DCC: variants seen among roughly 807,000 people sequenced by gnomAD.
DCC encodes DCC netrin 1 receptor.
Under a neutral mutation model 172.5 loss-of-function variants are expected in DCC, and 58 were observed. The observed-to-expected ratio is 0.34, with a 90% CI of 0.27 to 0.42. The LOEUF (loss-of-function observed/expected upper bound fraction) is 0.42, where lower values mean the gene tolerates loss of function less well. DCC is among the 10% of genes least tolerant of loss of function. The pLI is 1.00. For synonymous variants in DCC, 709 were observed against 644.5 expected, an observed-to-expected ratio of 1.10 and a Z score of -1.52; for missense variants, 1,740 against 1,791.0, an observed-to-expected ratio of 0.97 and a Z score of 0.51.
At chr18:52,838,239 G>A (rs1255571626) in intron 2 of DCC, among the ~76,000 whole-genome samples, 1 of 151,842 alleles carries the variant, frequency 6.6e-6, no homozygotes, top group East Asian at 1.9e-4. Flanking sequence ...CTTTAGAGGG[G>A]GTATTATACT....
chr18:52,808,379 TAA>T (rs1193941529), intron 2 of DCC, among the ~76,000 whole-genome samples: 1 of 147,510 alleles, frequency 6.8e-6, no homozygotes, highest in Non-Finnish European at 1.5e-5. Flanking sequence ...TAATTCTGAC[TAA>T]GTGACTCAAT....
chr18:53,258,987 C>G (rs554035847), intron 12 of DCC, among the ~76,000 whole-genome samples: 1 of 152,080 alleles, frequency 6.6e-6, no homozygotes, highest in African/African-American at 2.4e-5. Flanking sequence ...CTCTTTTGAT[C>G]TTTGTTGGTT....
intron 1 of DCC, among the ~76,000 whole-genome samples, chr18:52,676,467 T>C (rs954594472): frequency 2.0e-5 from 3 of 152,212 alleles, no homozygotes; most frequent in Non-Finnish European, 4.4e-5. Context: ...ATGATGTAAA[T>C]GACTTGTACC....
chr18:53,496,122 C>T (rs1376977801), intron 26 of DCC, among the ~76,000 whole-genome samples: 1 of 152,174 alleles, frequency 6.6e-6, no homozygotes. Context: ...GACATACTGC[C>T]TCCTCAAGTG....
In DCC at chr18:52,917,967, G is replaced by T. The variant is rs187365151; in HGVS notation, c.698-5740G>T. Among the ~76,000 whole-genome samples the T allele has an allele frequency of 6.1e-3, 863 of 142,584 alleles. 7 individuals carry two copies. Among genetic ancestry groups the T allele is most frequent in the Middle Eastern group, 0.011 (3 of 276 alleles). 93.5% of individuals were successfully genotyped at this position (142,584 alleles called of 152,430 possible). ...TTTGTAGATTTTAATACCAAAATTT[G>T]ACATTAGAAAAAAATCCATTTTTTT... is the stretch of plus-strand genomic sequence containing the variant. On this transcript the variant is annotated intron_variant, in intron 3 of 28. Coordinates refer to ENST00000442544, the MANE Select transcript of DCC (RefSeq NM_005215.4).
At chr18:52,935,195 C>T (rs1026106563) in intron 5 of DCC, among the ~76,000 whole-genome samples, 5 of 57,052 alleles carry the variant, frequency 8.8e-5, no homozygotes, top group Non-Finnish European at 1.6e-4. Flanking sequence ...TTTACAATAG[C>T]AGTGGATCAA....
intron 2 of DCC, among the ~76,000 whole-genome samples, chr18:52,753,223 T>A (rs866883918): frequency 2.6e-5 from 4 of 152,190 alleles, no homozygotes; most frequent in African/African-American, 9.7e-5. Flanking sequence ...AATGGCTATC[T>A]AATTTACATT....
chr18:52,710,699 T>C (rs977693956), intron 1 of DCC, among the ~76,000 whole-genome samples: 1 of 152,178 alleles, frequency 6.6e-6, no homozygotes, highest in Non-Finnish European at 1.5e-5. Context: ...ACAAAAAAAG[T>C]GGTTAAAAGG....
intron 18 of DCC, among the ~76,000 whole-genome samples, chr18:53,398,095 A>G (rs982480128): frequency 6.6e-5 from 10 of 152,208 alleles, no homozygotes; most frequent in African/African-American, 2.4e-4. Flanking sequence ...CTTGACATTT[A>G]TAGTTCACAG....
chr18:53,437,342 A>T (rs1912005481), intron 22 of DCC, among the ~76,000 whole-genome samples: 1 of 152,104 alleles, frequency 6.6e-6, no homozygotes, highest in African/African-American at 2.4e-5. Context: ...GCACTTTGGG[A>T]GGCCGAGGCG....
At chr18:52,351,641 C>G (rs1192922498) in intron 1 of DCC, among the ~76,000 whole-genome samples, 1 of 152,132 alleles carries the variant, frequency 6.6e-6, no homozygotes, top group Non-Finnish European at 1.5e-5. Flanking sequence ...AAAACTTCAC[C>G]TTTTCTATAA....
intron 5 of DCC, among the ~76,000 whole-genome samples, chr18:53,000,551 A>G (rs1366299498): frequency 6.9e-6 from 1 of 144,146 alleles, no homozygotes; most frequent in Non-Finnish European, 1.5e-5. Flanking sequence ...TTTAATGCTG[A>G]GGGGTCACCA....
intron 9 of DCC, among the ~76,000 whole-genome samples, chr18:53,185,681 C>T (rs929445719): frequency 2.6e-5 from 4 of 152,102 alleles, no homozygotes; most frequent in African/African-American, 4.8e-5. Flanking sequence ...CAGACAGTGG[C>T]AGTCTAGGCA....
At chr18:52,685,995 G>C (rs183378169) in intron 1 of DCC, among the ~76,000 whole-genome samples, 420 of 152,186 alleles carry the variant, frequency 2.8e-3, no homozygotes, top group Non-Finnish European at 2.5e-3. Context: ...CAATATTGAA[G>C]ACAATTCTGC....
rs140007932 is a variant in DCC at position 53,101,803 on chromosome 18, C to CTGTGTG, written c.1261+35655_1261+35660dup. Among the ~76,000 whole-genome samples, 426 of 141,718 alleles carry CTGTGTG rather than the reference C, an allele frequency of 3.0e-3. 1 individual carries two copies. The highest frequency in any genetic ancestry group is 0.014 in the South Asian group (62 of 4,432). 93.0% of individuals were successfully genotyped at this position (141,718 alleles called of 152,430 possible). On this transcript the variant is annotated intron_variant, in intron 7 of 28. Coordinates refer to ENST00000442544, the MANE Select transcript of DCC (RefSeq NM_005215.4). ...GCAGTGCTTCCTGACTACCACTGGG[C>CTGTGTG]TGTGTGTGTGTGTGTGTGTGTGTAT...
intron 5 of DCC, among the ~76,000 whole-genome samples, chr18:52,988,311 C>T (rs1246720378): frequency 6.6e-6 from 1 of 151,788 alleles, no homozygotes; most frequent in Non-Finnish European, 1.5e-5. Context: ...AATTATTAAA[C>T]AGAGATAAAA....
At chr18:53,064,405 T>G (rs751362588) in intron 6 of DCC, among the ~76,000 whole-genome samples, 2 of 152,148 alleles carry the variant, frequency 1.3e-5, no homozygotes, top group Non-Finnish European at 1.5e-5. Context: ...TAGGCCTACT[T>G]ATGTTTGAGA....
intron 1 of DCC, among the ~76,000 whole-genome samples, chr18:52,514,324 T>A (rs552359959): frequency 1.3e-5 from 2 of 152,310 alleles, no homozygotes; most frequent in African/African-American, 2.4e-5. Flanking sequence ...ATGGTTTTTT[T>A]TATTGATATT....
chr18:53,531,850 A>T lies in DCC; in HGVS notation c.*1197A>T, dbSNP rs1258319109. ...ACCTGTGTCAGAGTCAGGGGGAAGC[A>T]GAGGGGCAGGTGCCACCTGACACTT... On this transcript the variant is annotated 3_prime_UTR_variant, in exon 29 of 29. Coordinates refer to ENST00000442544, the MANE Select transcript of DCC (RefSeq NM_005215.4). 1 of 152,262 alleles carries T rather than the reference A, an allele frequency of 6.6e-6. No individual in the cohort carries two copies. The highest frequency in any genetic ancestry group is 1.5e-5 in the Non-Finnish European group (1 of 68,078). 9.4% of individuals were successfully genotyped at this position (152,262 alleles called of 1,614,324 possible). A position where few individuals can be genotyped will look rare whatever the true frequency, so the allele number is the denominator to read the frequency against.
Sources: allele counts gnomAD v4.1 joint callset (sites outside exome capture counted in the v4.1 genomes callset), GRCh38; gene constraint gnomAD v4.1.1; transcripts MANE v1.5; gene names NCBI Gene and HGNC (gene_info 2026-07-23, HGNC 2026-07-21).